Variants in ANKDD1B observed in about 807,000 individuals in gnomAD.
The protein encoded by ANKDD1B is ankyrin repeat and death domain-containing protein 1B.
ANKDD1B carries 57 observed loss-of-function variants against 59.7 expected under a neutral mutation model. The ratio of observed to expected loss-of-function variants is 0.95; its 90% CI spans 0.77 to 1.19. The LOEUF (loss-of-function observed/expected upper bound fraction) is 1.19. ANKDD1B is among the 50% of genes most tolerant of loss of function. The pLI is 0.00. For synonymous variants in ANKDD1B, 216 were observed against 239.5 expected (o/e 0.90, Z 0.91); for missense variants, 602 against 641.9 (o/e 0.94, Z 0.67).
intron 11 of ANKDD1B, 105 bp downstream of exon 11, chr5:75,663,594 G>A (rs746116446): frequency 3.1e-5 from 27 of 884,764 alleles, no homozygotes; most frequent in Non-Finnish European, 4.8e-5. Flanking sequence ...AATGAGCAGA[G>A]CTCTGGTCAG....
rs544235105 is a variant in ANKDD1B at position 75,671,247 on chromosome 5, T to A, written c.*207T>A. On this transcript the variant is annotated 3_prime_UTR_variant, in exon 14 of 14. Transcript: ENST00000601380. ...TTTTTTTTGCTGAGGGCAAGTTGTA[T>A]GTGATTTTCCCATTTCTATCAATCA... 1 of 351,172 alleles carries A rather than the reference T, an allele frequency of 2.8e-6. No individual in the cohort carries two copies. Among genetic ancestry groups the A allele is most frequent in the South Asian group, 1.5e-4 (1 of 6,584 alleles). The allele number at this position is 351,172 out of a possible 1,614,324, so 21.8% of individuals were successfully genotyped here.
At chr5:75,670,471 T>C (rs772915959) in intron 13 of ANKDD1B, among the ~76,000 whole-genome samples, 14 of 152,232 alleles carry the variant, frequency 9.2e-5, no homozygotes, top group Non-Finnish European at 1.9e-4. Flanking sequence ...TTTTCAGAAA[T>C]TGATGATTCG....
At chr5:75,629,277 T>C (rs1266373462) in intron 5 of ANKDD1B, among the ~76,000 whole-genome samples, 1 of 152,028 alleles carries the variant, frequency 6.6e-6, no homozygotes, top group Admixed American at 6.5e-5. Context: ...TTTTTTTTTT[T>C]AACCTCATGA....
chr5:75,663,635 C>T (rs1775222633), intron 11 of ANKDD1B, 146 bp downstream of exon 11: 3 of 683,570 alleles, frequency 4.4e-6, no homozygotes, highest in East Asian at 5.5e-5. Context: ...CTGTCTTGTG[C>T]TGCCCCCATT....
At chr5:75,657,899 GAA>G (rs772314604) in intron 9 of ANKDD1B, among the ~76,000 whole-genome samples, 9 of 108,072 alleles carry the variant, frequency 8.3e-5, no homozygotes, top group Middle Eastern at 4.4e-3. Flanking sequence ...TCCATCTCAA[GAA>G]AAAAAAAAAA....
chr5:75,630,485 T>A (rs1774120771), intron 5 of ANKDD1B, among the ~76,000 whole-genome samples: 1 of 152,236 alleles, frequency 6.6e-6, no homozygotes, highest in South Asian at 2.1e-4. Context: ...AGGAAAGATG[T>A]TTCATCTGTG....
intron 3 of ANKDD1B, 37 bp downstream of exon 3, chr5:75,620,450 C>A: frequency 2.7e-6 from 3 of 1,131,388 alleles, no homozygotes; most frequent in South Asian, 1.4e-5. Context: ...TGGAGCATAA[C>A]CAATGTACAG....
chr5:75,669,442 T>C, intron 13 of ANKDD1B, 59 bp downstream of exon 13: 2 of 1,220,814 alleles, frequency 1.6e-6, no homozygotes, highest in Non-Finnish European at 2.0e-6. Context: ...GGAAGCAGTC[T>C]ACAGAAATAT....
intron 9 of ANKDD1B, among the ~76,000 whole-genome samples, chr5:75,656,837 C>T (rs1774992265): frequency 6.6e-6 from 1 of 152,210 alleles, no homozygotes; most frequent in Non-Finnish European, 1.5e-5. Flanking sequence ...CTCTGCGGTG[C>T]CCTTCCGGCT....
Position 75,611,607 on chromosome 5 carries a change from C to A in ANKDD1B, c.-28C>A. 8.1e-7 allele frequency: 1 copy of A among 1,230,378 alleles called. No homozygotes were observed. The highest frequency in any genetic ancestry group is 1.0e-6 in the Non-Finnish European group (1 of 987,164). 76.2% of individuals were successfully genotyped at this position (1,230,378 alleles called of 1,614,324 possible). A position where few individuals can be genotyped will look rare whatever the true frequency, so the allele number is the denominator to read the frequency against. On this transcript the variant is annotated 5_prime_UTR_variant, in exon 1 of 14. Coordinates refer to ENST00000601380, the MANE Select transcript of ANKDD1B (RefSeq NM_001276713.2). ...ATCTGGGTCCGAGTCTGGGTCTGGC[C>A]CTGCGCTCAGGGCCCGCGGAGGAGA...
At chr5:75,612,370 T>C (rs1773592785) in intron 1 of ANKDD1B, among the ~76,000 whole-genome samples, 1 of 100,960 alleles carries the variant, frequency 9.9e-6, no homozygotes, top group Non-Finnish European at 1.8e-5. Context: ...GTGTAGGGTC[T>C]TGTTGCTCTG....
chr5:75,654,675 A>G (rs960772771), intron 8 of ANKDD1B, among the ~76,000 whole-genome samples: 1 of 152,126 alleles, frequency 6.6e-6, no homozygotes, highest in Non-Finnish European at 1.5e-5. Context: ...GTGAAACCCC[A>G]TCTCTGAAAA....
At chr5:75,635,716 C>A in intron 6 of ANKDD1B, 68 bp from the exon 7 acceptor site, 1 of 1,008,056 alleles carries the variant, frequency 9.9e-7, no homozygotes, top group South Asian at 1.6e-5. Context: ...TCCATTGCAG[C>A]CCTTACTATT....
rs77963321 is a variant in ANKDD1B, at chr5:75,653,494, C to T, written c.897+254C>T. Among the ~76,000 whole-genome samples the T allele has an allele frequency of 6.1e-3, 934 of 152,150 alleles. 9 individuals are homozygous for T. Among genetic ancestry groups the T allele is most frequent in the African/African-American group, 0.021 (881 of 41,506 alleles). On this transcript the variant is annotated intron_variant, in intron 8 of 13. Transcript: ENST00000601380. ...TTGTGTTTTAAATATTTGTATTTGC[C>T]GCAAAAAAGCTTTCTCATACGTCTA...
At chr5:75,661,700 A>C (rs894860064) in intron 10 of ANKDD1B, among the ~76,000 whole-genome samples, 1 of 152,058 alleles carries the variant, frequency 6.6e-6, no homozygotes, top group Non-Finnish European at 1.5e-5. Flanking sequence ...TGCTTAGTGG[A>C]CTAGATATTC....
chr5:75,652,437 T>C (rs553329257), intron 7 of ANKDD1B, among the ~76,000 whole-genome samples: 1 of 152,244 alleles, frequency 6.6e-6, no homozygotes, highest in South Asian at 2.1e-4. Context: ...AAAAACACAA[T>C]GGATTTTCTA....
chr5:75,620,644 T>C (rs1344826429), intron 3 of ANKDD1B, among the ~76,000 whole-genome samples: 1 of 152,222 alleles, frequency 6.6e-6, no homozygotes, highest in Non-Finnish European at 1.5e-5. Flanking sequence ...TTTTCTCATA[T>C]TGACTTTATG....
chr5:75,666,045 G>A (rs1775297973), intron 11 of ANKDD1B, among the ~76,000 whole-genome samples: 1 of 152,178 alleles, frequency 6.6e-6, no homozygotes, highest in Admixed American at 6.5e-5. Flanking sequence ...CATAAGCACA[G>A]CATGCAGTTC....
At chr5:75,627,336 G>A (rs1774021289) in intron 5 of ANKDD1B, among the ~76,000 whole-genome samples, 1 of 152,042 alleles carries the variant, frequency 6.6e-6, no homozygotes, top group South Asian at 2.1e-4. Flanking sequence ...TATAATGATT[G>A]ACATTTCCTC....
Sources: gnomAD v4.1 joint callset for allele counts (sites outside exome capture counted in the v4.1 genomes callset) on GRCh38, gnomAD v4.1.1 for gene constraint, MANE v1.5 for transcripts, NCBI Gene and HGNC (gene_info 2026-07-23, HGNC 2026-07-21) for gene names.